The following SSBP3 variants were observed in gnomAD, a reference collection of about 807,000 sequenced individuals.
SSBP3 encodes single stranded DNA binding protein 3, also known as single-stranded DNA-binding protein 3.
A neutral mutation model predicts 69.6 loss-of-function variants in SSBP3; 5 were observed. The observed-to-expected ratio is 0.07, with a 90% CI of 0.04 to 0.15. The LOEUF (loss-of-function observed/expected upper bound fraction) is 0.15, where lower values mean the gene tolerates loss of function less well. SSBP3 is among the 10% of genes least tolerant of loss of function. SSBP3 has a pLI of 1.00. For synonymous variants in SSBP3, 196 were observed against 193.4 expected (o/e 1.01, Z -0.11); for missense variants, 312 against 534.0 (o/e 0.58, Z 4.10).
At chr1:54,281,224 G>A (rs1645385903) in intron 5 of SSBP3, among the ~76,000 whole-genome samples, 1 of 152,228 alleles carries the variant, frequency 6.6e-6, no homozygotes, top group Admixed American at 6.5e-5. Flanking sequence ...TGCAGGCAAT[G>A]CAGGAGGTTT....
chr1:54,357,895 C>T (rs1646893461), intron 4 of SSBP3, among the ~76,000 whole-genome samples: 1 of 152,202 alleles, frequency 6.6e-6, no homozygotes, highest in African/African-American at 2.4e-5. Context: ...GAGGACCCAT[C>T]AAAGGTGGAC....
intron 4 of SSBP3, among the ~76,000 whole-genome samples, chr1:54,318,148 C>A (rs1646147676): frequency 6.6e-6 from 1 of 152,152 alleles, no homozygotes; most frequent in Non-Finnish European, 1.5e-5. Context: ...GACTTTGAAC[C>A]AAGGCAAATG....
At chr1:54,346,376 G>C (rs920413471) in intron 4 of SSBP3, among the ~76,000 whole-genome samples, 2 of 151,684 alleles carry the variant, frequency 1.3e-5, no homozygotes, top group Non-Finnish European at 2.9e-5. Flanking sequence ...AGTAGATTAA[G>C]ATCTTTAGGT....
intron 4 of SSBP3, among the ~76,000 whole-genome samples, chr1:54,300,228 C>T (rs1366300536): frequency 6.6e-6 from 1 of 152,176 alleles, no homozygotes; most frequent in Non-Finnish European, 1.5e-5. Flanking sequence ...CAAGATCAAA[C>T]CCAGGAGAGG....
chr1:54,242,310 C>T, intron 10 of SSBP3, 98 bp from the exon 11 acceptor site: 1 of 1,424,114 alleles, frequency 7.0e-7, no homozygotes, highest in Non-Finnish European at 9.8e-7. Flanking sequence ...GAAATCACAA[C>T]AGGAAGTCCT....
chr1:54,272,241 T>G (rs1645205503), intron 5 of SSBP3, among the ~76,000 whole-genome samples: 1 of 152,122 alleles, frequency 6.6e-6, no homozygotes, highest in Non-Finnish European at 1.5e-5. Context: ...TGTGGTTCCC[T>G]GCACTTAGAA....
intron 4 of SSBP3, among the ~76,000 whole-genome samples, chr1:54,375,660 C>G (rs765711562): frequency 1.3e-5 from 2 of 152,188 alleles, no homozygotes; most frequent in Non-Finnish European, 2.9e-5. Context: ...AGCCTCCAGT[C>G]GCCTGGTGGA....
chr1:54,322,983 C>T (rs1288740291), intron 4 of SSBP3, among the ~76,000 whole-genome samples: 4 of 152,196 alleles, frequency 2.6e-5, no homozygotes, highest in Non-Finnish European at 5.9e-5. Flanking sequence ...CCATGGGTTT[C>T]GTTCACTGAA....
intron 7 of SSBP3, 36 bp downstream of exon 7, chr1:54,257,091 G>C: frequency 6.3e-7 from 1 of 1,587,854 alleles, no homozygotes. Flanking sequence ...AAGGATGGCT[G>C]AGGGAGGGGA....
At chr1:54,283,265 C>A (rs1645428721) in intron 4 of SSBP3, among the ~76,000 whole-genome samples, 1 of 100,078 alleles carries the variant, frequency 1.0e-5, no homozygotes, top group South Asian at 3.7e-4. Flanking sequence ...CAAAACTCCC[C>A]ATCTCATAAA....
At chr1:54,400,566 C>T (rs1471946650) in intron 4 of SSBP3, among the ~76,000 whole-genome samples, 2 of 152,200 alleles carry the variant, frequency 1.3e-5, no homozygotes, top group Non-Finnish European at 2.9e-5. Flanking sequence ...GTTTACCAGA[C>T]CAGAAGTACC....
At position 54,258,226 on chromosome 1, in the gene SSBP3, A is replaced by G; in HGVS notation, c.367-77T>C. The G allele has an allele frequency of 7.6e-7, 1 of 1,313,494 alleles. No homozygotes were observed. The highest frequency in any genetic ancestry group is 2.0e-4 in the Middle Eastern group (1 of 4,976). 81.4% of individuals were successfully genotyped at this position (1,313,494 alleles called of 1,614,324 possible). ...CGCAGAAGCAGCTTAAAAGAACAAA[A>G]ATTAAACCAAAACGAAGGGTGGGCG... On this transcript the variant is annotated intron_variant, in intron 5 of 17. Coordinates refer to ENST00000610401, the Ensembl canonical transcript of SSBP3. The surrounding 1 kb of genome is among the most constrained non-coding windows in gnomAD (Gnocchi z 4.5).
At chr1:54,404,207 C>G (rs1054628008) in intron 3 of SSBP3, among the ~76,000 whole-genome samples, 1 of 152,120 alleles carries the variant, frequency 6.6e-6, no homozygotes, top group African/African-American at 2.4e-5. Flanking sequence ...GTAAAACAGA[C>G]CTGGTATCCC....
chr1:54,353,343 C>T (rs553636904), intron 4 of SSBP3, among the ~76,000 whole-genome samples: 49 of 152,194 alleles, frequency 3.2e-4, no homozygotes, highest in Non-Finnish European at 5.6e-4. Context: ...GGAAGATCAC[C>T]TCTACTTTCA....
chr1:54,237,677 A>G (rs941569001), intron 14 of SSBP3: 1 of 159,434 alleles, frequency 6.3e-6, no homozygotes, highest in African/African-American at 2.5e-5. Flanking sequence ...TGGTGCTGTC[A>G]TTGTCACCGT....
chr1:54,404,797 T>C, intron 2 of SSBP3, 61 bp downstream of exon 2: 2 of 697,390 alleles, frequency 2.9e-6, no homozygotes, highest in Non-Finnish European at 4.4e-6. Flanking sequence ...AAACAAAGGC[T>C]CTAAGAATAG....
At chr1:54,276,147 C>T (rs770440311) in intron 5 of SSBP3, among the ~76,000 whole-genome samples, 16 of 152,290 alleles carry the variant, frequency 1.1e-4, no homozygotes, top group Admixed American at 2.0e-4. Flanking sequence ...GGTGGAAAGT[C>T]CCTGCTATCC....
chr1:54,322,168 T>G (rs1247066940), intron 4 of SSBP3, among the ~76,000 whole-genome samples: 4 of 152,170 alleles, frequency 2.6e-5, no homozygotes, highest in Non-Finnish European at 4.4e-5. Flanking sequence ...CAATTTCTCT[T>G]GTCCCTTCCT....
At chr1:54,396,012 G>A (rs555350333) in intron 4 of SSBP3, among the ~76,000 whole-genome samples, 4 of 152,034 alleles carry the variant, frequency 2.6e-5, no homozygotes, top group Admixed American at 6.5e-5. Context: ...CCAAGATGGC[G>A]AAACCCTGTC....
Sources: allele counts gnomAD v4.1 joint callset (sites outside exome capture counted in the v4.1 genomes callset), GRCh38; gene constraint gnomAD v4.1.1; non-coding constraint Gnocchi (gnomAD v3.1); transcripts MANE v1.5; gene names NCBI Gene and HGNC (gene_info 2026-07-23, HGNC 2026-07-21).